MAF: variants seen among roughly 807,000 people sequenced by gnomAD.
MAF encodes MAF bZIP transcription factor, also known as transcription factor Maf.
MAF carries 10 observed loss-of-function variants against 22.0 expected under a neutral mutation model. The ratio of observed to expected loss-of-function variants is 0.45; its 90% confidence interval spans 0.28 to 0.77. The LOEUF (loss-of-function observed/expected upper bound fraction) is 0.77. Among genes scored for constraint, MAF ranks in the 30% least tolerant of loss-of-function variants. The pLI, the probability that MAF is intolerant of heterozygous loss-of-function variation, is 0.12. For missense variants in MAF, 544 were observed against 548.4 expected (o/e 0.99, Z 0.08); for synonymous variants, 337 against 255.8 (o/e 1.32, Z -3.03).
the MAF span, among the ~76,000 whole-genome samples, chr16:79,543,311 G>A: frequency 6.6e-6 from 1 of 152,176 alleles, no homozygotes; most frequent in Non-Finnish European, 1.5e-5. Context: ...GGGAGAACTG[G>A]GGATCAATCC....
At chr16:79,566,620 G>C in the MAF span, among the ~76,000 whole-genome samples, 85 of 152,296 alleles carry the variant, frequency 5.6e-4, no homozygotes, top group African/African-American at 2.0e-3. Context: ...GTGGATCTTG[G>C]GGGAAGAAGC....
chr16:79,446,870 C>T, the MAF span, among the ~76,000 whole-genome samples: 6 of 151,870 alleles, frequency 4.0e-5, no homozygotes, highest in South Asian at 2.1e-4. Context: ...GAGCTATGAT[C>T]GTGCCACTGC....
chr16:79,298,812 G>A, the MAF span, among the ~76,000 whole-genome samples: 1 of 152,234 alleles, frequency 6.6e-6, no homozygotes, highest in African/African-American at 2.4e-5. Context: ...AGGCTTTGGA[G>A]GGCTTCCAGA....
chr16:79,576,439 C>T, the MAF span, among the ~76,000 whole-genome samples: 79,595 of 151,816 alleles, frequency 0.52, 21,834 homozygotes, highest in East Asian at 0.85. Context: ...GCCTCTGAGG[C>T]GGATGATAGC....
At chr16:79,382,557 CGTACA>C in the MAF span, among the ~76,000 whole-genome samples, 1 of 152,144 alleles carries the variant, frequency 6.6e-6, no homozygotes, top group Non-Finnish European at 1.5e-5. Flanking sequence ...ATACAAATAA[CGTACA>C]GTAGAGAATG....
the MAF span, among the ~76,000 whole-genome samples, chr16:79,355,596 T>C: frequency 6.6e-6 from 1 of 152,108 alleles, no homozygotes; most frequent in Admixed American, 6.6e-5. Context: ...ATCTCCCTGG[T>C]TTGAGAGTTA....
the MAF span, among the ~76,000 whole-genome samples, chr16:79,348,052 C>T: frequency 6.6e-6 from 1 of 152,224 alleles, no homozygotes; most frequent in Non-Finnish European, 1.5e-5. Context: ...TTTCCCTACT[C>T]AGCGTCAACA....
At chr16:79,407,102 G>A in the MAF span, among the ~76,000 whole-genome samples, 2 of 152,194 alleles carry the variant, frequency 1.3e-5, no homozygotes, top group South Asian at 2.1e-4. Context: ...GGAGGGTGTC[G>A]TCTGGCAGTG....
At chr16:79,451,460 C>T in the MAF span, among the ~76,000 whole-genome samples, 1 of 152,168 alleles carries the variant, frequency 6.6e-6, no homozygotes, top group Non-Finnish European at 1.5e-5. Context: ...CTAAATTGTT[C>T]AAAAGAGGAA....
chr16:79,384,776 A>T, the MAF span, among the ~76,000 whole-genome samples: 907 of 152,232 alleles, frequency 6.0e-3, 4 homozygotes, highest in African/African-American at 0.018. Flanking sequence ...AAAATAAAAT[A>T]AAATTAAAAA....
At chr16:79,324,037 T>C in the MAF span, among the ~76,000 whole-genome samples, 133 of 152,326 alleles carry the variant, frequency 8.7e-4, 1 homozygote, top group African/African-American at 3.2e-3. Flanking sequence ...TATTGTTTTC[T>C]TTGCTGTGGA....
At chr16:79,204,556 G>T in the MAF span, 1 of 152,074 alleles carries the variant, frequency 6.6e-6, no homozygotes, top group Non-Finnish European at 1.5e-5. Flanking sequence ...TTGGAACATC[G>T]ATGGCAAGAA....
chr16:79,428,459 C>G, the MAF span, among the ~76,000 whole-genome samples: 1 of 152,188 alleles, frequency 6.6e-6, no homozygotes, highest in Non-Finnish European at 1.5e-5. Flanking sequence ...GAGTCCCAAA[C>G]TGGCATTTTC....
the MAF span, among the ~76,000 whole-genome samples, chr16:79,213,256 C>G: frequency 5.3e-5 from 8 of 152,120 alleles, no homozygotes; most frequent in Non-Finnish European, 8.8e-5. Flanking sequence ...CAGACAATGT[C>G]TTGAACTTCT....
the MAF span, among the ~76,000 whole-genome samples, chr16:79,492,897 G>A: frequency 2.0e-5 from 3 of 152,140 alleles, no homozygotes; most frequent in Admixed American, 2.0e-4. Context: ...GGCTATGAAG[G>A]GGGTCTGCAG....
At chr16:79,591,855 A>G (rs1304219962), downstream of MAF, among the ~76,000 whole-genome samples, 1 of 152,242 alleles carries the variant, frequency 6.6e-6, no homozygotes, top group Non-Finnish European at 1.5e-5. Context: ...TGAATCACAG[A>G]CTGATACATT....
At chr16:79,228,667 A>G in the MAF span, among the ~76,000 whole-genome samples, 16 of 152,034 alleles carry the variant, frequency 1.1e-4, no homozygotes, top group Admixed American at 5.3e-4. Context: ...TGAAAGATAG[A>G]GGAAAAGAGC....
intron 1 of MAF, among the ~76,000 whole-genome samples, chr16:79,587,544 C>G (rs1456506444): frequency 1.3e-5 from 2 of 152,056 alleles, no homozygotes; most frequent in African/African-American, 4.8e-5. Flanking sequence ...ACGTTGCAAA[C>G]ATATGTTAAG....
chr16:79,244,129 G>A, the MAF span, among the ~76,000 whole-genome samples: 1 of 151,988 alleles, frequency 6.6e-6, no homozygotes, highest in Non-Finnish European at 1.5e-5. Flanking sequence ...GGCAAAAACT[G>A]GAAGCATGTC....
Sources: gnomAD v4.1 joint callset for allele counts (sites outside exome capture counted in the v4.1 genomes callset) on GRCh38, gnomAD v4.1.1 for gene constraint, MANE v1.5 for transcripts, NCBI Gene and HGNC (gene_info 2026-07-23, HGNC 2026-07-21) for gene names.